SFXN1: variants seen among roughly 807,000 people sequenced by gnomAD.
The protein encoded by SFXN1 is sideroflexin-1.
A neutral mutation model predicts 39.5 loss-of-function variants in SFXN1; 32 were observed. That is an observed-to-expected ratio of 0.81 (90% CI 0.61 to 1.09). SFXN1 has a LOEUF of 1.09. Among genes scored for constraint, SFXN1 ranks in the 50% least tolerant of loss-of-function variants. SFXN1 has a pLI of 0.00. For synonymous variants in SFXN1, 136 were observed against 146.5 expected (o/e 0.93, Z 0.52); for missense variants, 402 against 407.1 (o/e 0.99, Z 0.11).
At chr5:175,509,581 A>G (rs533288059) in intron 3 of SFXN1, among the ~76,000 whole-genome samples, 1 of 152,168 alleles carries the variant, frequency 6.6e-6, no homozygotes, top group East Asian at 1.9e-4. Context: ...AAGGAGGTTG[A>G]ATTTTTTTTC....
rs548661892 is a variant in SFXN1 at position 175,505,034 on chromosome 5, AT to A, written c.165-3992del. Reference sequence around the variant, plus strand: ...TGAGCCATCGCACCCGGCCAGAACAATTTTTTAAAAATGTAAAGTACTTGGG... The same window carrying A: ...TGAGCCATCGCACCCGGCCAGAACAATTTTTAAAAATGTAAAGTACTTGGG... On this transcript the variant is annotated intron_variant, in intron 2 of 10. Coordinates refer to ENST00000321442, the MANE Select transcript of SFXN1 (RefSeq NM_022754.7). 2.0e-3 allele frequency among the ~76,000 whole-genome samples: 301 copies of A among 152,192 alleles called. No homozygotes were observed. In the Middle Eastern group the frequency reaches 0.02, roughly 10 times the overall value.
At chr5:175,486,959 A>C (rs1759471251) in intron 1 of SFXN1, among the ~76,000 whole-genome samples, 1 of 152,126 alleles carries the variant, frequency 6.6e-6, no homozygotes, top group Admixed American at 6.5e-5. Context: ...TGAAGGAAAA[A>C]TAGTGATAGT....
chr5:175,485,384 C>T (rs1759412545), intron 1 of SFXN1, among the ~76,000 whole-genome samples: 1 of 152,196 alleles, frequency 6.6e-6, no homozygotes, highest in Admixed American at 6.5e-5. Flanking sequence ...GAGCCCCTTT[C>T]CCTGCCCTTT....
chr5:175,516,926 A>G (rs1760730647), intron 8 of SFXN1, among the ~76,000 whole-genome samples: 1 of 152,244 alleles, frequency 6.6e-6, no homozygotes, highest in Non-Finnish European at 1.5e-5. Flanking sequence ...CTGACTGGGT[A>G]AAAATGAAGA....
chr5:175,526,122 TG>T (rs1158837201), intron 10 of SFXN1, among the ~76,000 whole-genome samples: 6 of 140,866 alleles, frequency 4.3e-5, no homozygotes, highest in African/African-American at 1.5e-4. Flanking sequence ...ATAAATGTTT[TG>T]GTTTTTTTTT....
At position 175,482,193 on chromosome 5, in the gene SFXN1, C is replaced by T. The variant is rs139096944; in HGVS notation, c.-10+3554C>T. 6.8e-4 allele frequency among the ~76,000 whole-genome samples: 103 copies of T among 152,260 alleles called. 1 individual carries two copies. Among genetic ancestry groups the T allele is most frequent in the African/African-American group, 2.3e-3 (95 of 41,552 alleles). ...TGGACAGTGGACAGCAGTGACTGAC[C>T]GGCTGTCTCACACCTGCCTGGCCCT... On this transcript the variant is annotated intron_variant, in intron 1 of 10. Coordinates refer to ENST00000321442, the MANE Select transcript of SFXN1 (RefSeq NM_022754.7).
intron 7 of SFXN1, among the ~76,000 whole-genome samples, chr5:175,513,989 G>A (rs960329003): frequency 3.9e-5 from 6 of 152,072 alleles, no homozygotes; most frequent in Admixed American, 6.5e-5. Context: ...GGCCACAGAC[G>A]GCAGAGCGTG....
chr5:175,480,430 G>C (rs1253209254), intron 1 of SFXN1, among the ~76,000 whole-genome samples: 2 of 152,064 alleles, frequency 1.3e-5, no homozygotes. Flanking sequence ...GTTTGGCAGG[G>C]AGGAGCTATC....
chr5:175,503,717 C>G (rs559802719), intron 2 of SFXN1, among the ~76,000 whole-genome samples: 3 of 152,206 alleles, frequency 2.0e-5, no homozygotes, highest in Non-Finnish European at 1.5e-5. Flanking sequence ...AGGAAAGGAA[C>G]CCTGGCCGGG....
intron 1 of SFXN1, among the ~76,000 whole-genome samples, chr5:175,481,238 A>T (rs1374754683): frequency 6.6e-6 from 1 of 152,208 alleles, no homozygotes; most frequent in African/African-American, 2.4e-5. Context: ...GATACTGCTT[A>T]AGAAATCCAT....
At chr5:175,493,590 C>T (rs1323482866) in intron 2 of SFXN1, among the ~76,000 whole-genome samples, 1 of 152,024 alleles carries the variant, frequency 6.6e-6, no homozygotes, top group African/African-American at 2.4e-5. Context: ...TGAAGACAGG[C>T]AAAAGCCGTA....
intron 3 of SFXN1, 104 bp downstream of exon 3, chr5:175,509,306 A>T: frequency 6.2e-6 from 7 of 1,138,030 alleles, no homozygotes; most frequent in Non-Finnish European, 8.6e-6. Flanking sequence ...TTTCATAAGT[A>T]TATGAAGTGA....
intron 10 of SFXN1, among the ~76,000 whole-genome samples, chr5:175,526,194 AAAC>A (rs1044936091): frequency 1.3e-5 from 2 of 148,370 alleles, no homozygotes; most frequent in East Asian, 2.0e-4. Flanking sequence ...TACATACAGT[AAAC>A]AAAAGCACAT....
intron 5 of SFXN1, 185 bp downstream of exon 5, chr5:175,511,711 C>A (rs748065824): frequency 3.0e-5 from 18 of 605,364 alleles, no homozygotes; most frequent in Non-Finnish European, 4.6e-5. Context: ...ACCAGTAACA[C>A]CTACCAGGAC....
In SFXN1 at chr5:175,505,312, A is replaced by C. The variant is rs547230956; in HGVS notation, c.165-3720A>C. ...CACTTTGGGAGGCCGAGGCAGGGGC[A>C]TCACCTGAGGTTAAGAGTTCAAGAC... On this transcript the variant is annotated intron_variant, in intron 2 of 10. Coordinates refer to ENST00000321442, the MANE Select transcript of SFXN1 (RefSeq NM_022754.7). Among the ~76,000 whole-genome samples the C allele has an allele frequency of 4.6e-5, 7 of 151,964 alleles. No homozygotes were observed. In the South Asian group the frequency reaches 1.5e-3, roughly 32 times the overall value.
intron 2 of SFXN1, among the ~76,000 whole-genome samples, chr5:175,502,859 A>G (rs1341154230): frequency 7.0e-6 from 1 of 142,994 alleles, no homozygotes; most frequent in Non-Finnish European, 1.5e-5. Context: ...TAATAATAAT[A>G]ATAATAAATA....
rs139544571 is a variant in SFXN1, at chr5:175,510,029, T to C, written c.336-80T>C. 347 of 1,118,640 alleles carry C rather than the reference T, an allele frequency of 3.1e-4. 2 individuals are homozygous for C. In the African/African-American group the frequency reaches 4.5e-3, roughly 14 times the overall value. 69.3% of individuals were successfully genotyped at this position (1,118,640 alleles called of 1,614,324 possible). A position where few individuals can be genotyped will look rare whatever the true frequency, so the allele number is the denominator to read the frequency against. ...CTTCCCCAGTACGTCTCCTCTCTGG[T>C]TACTGGTGTTCACGTTTTCTGTTCC... On this transcript the variant is annotated intron_variant, in intron 3 of 10. Coordinates refer to ENST00000321442, the MANE Select transcript of SFXN1 (RefSeq NM_022754.7).
chr5:175,494,126 C>T (rs1218943257), intron 2 of SFXN1, among the ~76,000 whole-genome samples: 2 of 152,118 alleles, frequency 1.3e-5, no homozygotes, highest in Admixed American at 6.5e-5. Flanking sequence ...TATTTCATAG[C>T]AACAGAAAGT....
chr5:175,520,219 A>G, intron 8 of SFXN1, among the ~76,000 whole-genome samples: 1 of 151,954 alleles, frequency 6.6e-6, no homozygotes, highest in East Asian at 1.9e-4. Flanking sequence ...ATATATATAT[A>G]TACACACACA....
Sources: allele counts gnomAD v4.1 joint callset (sites outside exome capture counted in the v4.1 genomes callset), GRCh38; gene constraint gnomAD v4.1.1; transcripts MANE v1.5; gene names NCBI Gene and HGNC (gene_info 2026-07-23, HGNC 2026-07-21).